The following EXPH5 variants were observed in gnomAD, a reference collection of about 807,000 sequenced individuals.
EXPH5 encodes exophilin 5.
A neutral mutation model predicts 41.1 loss-of-function variants in EXPH5; 42 were observed. That is an observed-to-expected ratio of 1.02 (90% CI 0.80 to 1.32). The LOEUF is 1.32. Ranked by LOEUF, EXPH5 falls within the 40% of genes most tolerant of loss-of-function variation. The probability of loss-of-function intolerance (pLI) is 0.00; values close to 1 mark genes in which losing one functional copy is unlikely to be tolerated. For synonymous variants in EXPH5, 798 were observed against 833.5 expected, an observed-to-expected ratio of 0.96 and a Z score of 0.73; for missense variants, 2,298 against 2,314.5, an observed-to-expected ratio of 0.99 and a Z score of 0.15.
At chr11:108,541,217 T>C (rs2093911043) in intron 2 of EXPH5, among the ~76,000 whole-genome samples, 1 of 152,184 alleles carries the variant, frequency 6.6e-6, no homozygotes, top group African/African-American at 2.4e-5. Flanking sequence ...CCCAGCTTAA[T>C]ACATTATAAA....
rs527358987 is a variant in EXPH5 at position 108,536,653 on chromosome 11, C to T, written c.443+2371G>A. ...ATTAGGAAATCAGAGCTTGAAGATA[C>T]CATATACTTTTATTGGCTGGGCCTT... On this transcript the variant is annotated intron_variant, in intron 3 of 5. Coordinates refer to ENST00000265843, the MANE Select transcript of EXPH5 (RefSeq NM_015065.3). 3.9e-5 allele frequency among the ~76,000 whole-genome samples: 6 copies of T among 152,200 alleles called. No homozygotes were observed. In the East Asian group the frequency reaches 7.7e-4, roughly 20 times the overall value.
At chr11:108,606,870 T>TA in the EXPH5 span, among the ~76,000 whole-genome samples, 1 of 111,548 alleles carries the variant, frequency 9.0e-6, no homozygotes, top group Non-Finnish European at 1.9e-5. Flanking sequence ...TCATACCACT[T>TA]ACAGATTTTT....
chr11:108,509,634 A>AT lies in EXPH5; in HGVS notation c.5872dup (p.Ile1958AsnfsTer3). ...TGAGTCCACTGGGTCATCCTCATAG[A>AT]TATTAAGCGGTTCACTTGGAGATAA... On this transcript the variant is annotated frameshift_variant, in exon 6 of 6. Coordinates refer to ENST00000265843, the MANE Select transcript of EXPH5 (RefSeq NM_015065.3). LOFTEE classifies it high-confidence loss of function. 6.2e-7 allele frequency: 1 copy of AT among 1,613,370 alleles called. No individual in the cohort carries two copies. Among genetic ancestry groups the AT allele is most frequent in the Non-Finnish European group, 8.5e-7 (1 of 1,179,716 alleles).
rs755929182 is a variant in EXPH5 at position 108,511,787 on chromosome 11, A to G, written c.3720T>C (p.Asp1240=). 6.2e-7 allele frequency: 1 copy of G among 1,609,940 alleles called. No homozygotes were observed. Among genetic ancestry groups the G allele is most frequent in the Non-Finnish European group, 8.5e-7 (1 of 1,179,082 alleles). Residue 1240 remains aspartate (D), a synonymous_variant, in exon 6 of 6, where the codon GAT becomes GAC. Transcript: ENST00000265843. ...CCTCCAGACATTTTACATTATCTTC[A>G]TCACCAGAAACAGAAAACGTACTAG... ...KTTSTFSVSG[D]EDNVKCLEVV...
At chr11:108,529,480 G>T (rs551525843) in intron 3 of EXPH5, among the ~76,000 whole-genome samples, 1 of 152,272 alleles carries the variant, frequency 6.6e-6, no homozygotes, top group African/African-American at 2.4e-5. Context: ...TTACAGGCAT[G>T]AGCCACTGCG....
At position 108,514,270 on chromosome 11, in the gene EXPH5, T is replaced by C. The variant is rs2093706446; in HGVS notation, c.1237A>G (p.Lys413Glu). Reference protein sequence around the residue: ...YVYPRGFQENKRYESYHSQNV... With the variant: ...YVYPRGFQENERYESYHSQNV... ...TGTGAATGGTACGATTCATATCTCT[T>C]ATTCTCCTGAAAACCCCTGGGATAC... Residue 413 changes from lysine to glutamate, a missense_variant, in exon 6 of 6, where the codon AAG becomes GAG. Physicochemically the swap from Lys to Glu is moderately conservative, Grantham distance 56 (BLOSUM62 1). Coordinates refer to ENST00000265843, the MANE Select transcript of EXPH5 (RefSeq NM_015065.3). 6.2e-7 allele frequency: 1 copy of C among 1,614,132 alleles called. No individual in the cohort carries two copies. The highest frequency in any genetic ancestry group is 2.2e-5 in the East Asian group (1 of 44,880).
chr11:108,550,155 T>A (rs1046977049), intron 1 of EXPH5, among the ~76,000 whole-genome samples: 11 of 152,162 alleles, frequency 7.2e-5, no homozygotes, highest in African/African-American at 2.7e-4. Flanking sequence ...CAATAGAATA[T>A]GGTGGAAGTG....
intron 1 of EXPH5, among the ~76,000 whole-genome samples, chr11:108,560,062 A>G (rs188584643): frequency 1.8e-3 from 274 of 152,312 alleles, no homozygotes; most frequent in Middle Eastern, 3.4e-3. Context: ...TGCAAGCCAG[A>G]CGAAAGAACG....
intron 1 of EXPH5, among the ~76,000 whole-genome samples, chr11:108,581,988 G>A (rs530305362): frequency 4.8e-4 from 73 of 152,246 alleles, no homozygotes; most frequent in African/African-American, 1.6e-3. Context: ...AAGAAATTGA[G>A]CTCATAGTTT....
intron 1 of EXPH5, among the ~76,000 whole-genome samples, chr11:108,565,645 G>A (rs2094031349): frequency 6.6e-6 from 1 of 152,164 alleles, no homozygotes; most frequent in Non-Finnish European, 1.5e-5. Flanking sequence ...CTTACGTGAG[G>A]GTGCTGGGCC....
At chr11:108,570,036 A>C (rs2094052955) in intron 1 of EXPH5, among the ~76,000 whole-genome samples, 1 of 152,140 alleles carries the variant, frequency 6.6e-6, no homozygotes, top group South Asian at 2.1e-4. Flanking sequence ...AAAACTCCAA[A>C]TGACTGTCTA....
intron 1 of EXPH5, among the ~76,000 whole-genome samples, chr11:108,573,281 C>A (rs1330506691): frequency 6.6e-6 from 1 of 152,144 alleles, no homozygotes; most frequent in Non-Finnish European, 1.5e-5. Context: ...AAGGAGTCTA[C>A]CACCCTACCA....
rs1361169694 is a variant in EXPH5, at chr11:108,505,720, A to G, written c.*3817T>C. 1 of 152,240 alleles carries G rather than the reference A, an allele frequency of 6.6e-6. No individual in the cohort carries two copies. The highest frequency in any genetic ancestry group is 2.4e-5 in the African/African-American group (1 of 41,470). The allele number at this position is 152,240 out of a possible 1,614,324, so 9.4% of individuals were successfully genotyped here. On this transcript the variant is annotated 3_prime_UTR_variant, in exon 6 of 6. Transcript: ENST00000265843. ...ATATTCTGAAGCATTATTATTATCA[A>G]TAAACTCTAAGCAAGAAGTTCTCTT...
chr11:108,586,783 A>G (rs1430703405), intron 1 of EXPH5, among the ~76,000 whole-genome samples: 1 of 151,676 alleles, frequency 6.6e-6, no homozygotes, highest in Non-Finnish European at 1.5e-5. Context: ...GTCATCTCCC[A>G]TTTCCTCTTT....
intron 1 of EXPH5, among the ~76,000 whole-genome samples, chr11:108,559,627 G>T (rs1771845004): frequency 6.6e-6 from 1 of 152,182 alleles, no homozygotes; most frequent in Admixed American, 6.5e-5. Flanking sequence ...AGATAGAATG[G>T]TACACATGAA....
chr11:108,582,779 C>A (rs950977111), intron 1 of EXPH5, among the ~76,000 whole-genome samples: 3 of 152,208 alleles, frequency 2.0e-5, no homozygotes, highest in Non-Finnish European at 4.4e-5. Context: ...AGGCCTCTCT[C>A]CTAGCTTCTG....
intron 1 of EXPH5, among the ~76,000 whole-genome samples, chr11:108,554,063 CTTTT>C (rs34487456): frequency 4.3e-5 from 6 of 139,120 alleles, no homozygotes; most frequent in Admixed American, 7.3e-5. Context: ...GGCCCCTGAC[CTTTT>C]TTTTTTTTTT....
At chr11:108,592,029 C>T (rs1377223414) in intron 1 of EXPH5, among the ~76,000 whole-genome samples, 2 of 152,106 alleles carry the variant, frequency 1.3e-5, no homozygotes, top group African/African-American at 4.8e-5. Context: ...ACTGAAATTC[C>T]GTGCAGTTCT....
At chr11:108,525,153 G>A (rs146967353) in intron 4 of EXPH5, among the ~76,000 whole-genome samples, 4 of 152,236 alleles carry the variant, frequency 2.6e-5, no homozygotes, top group African/African-American at 9.6e-5. Flanking sequence ...TGATTGTGAG[G>A]CCTCCCCAGC....
Sources: allele counts gnomAD v4.1 joint callset (sites outside exome capture counted in the v4.1 genomes callset), GRCh38; gene constraint gnomAD v4.1.1; transcripts MANE v1.5; gene names NCBI Gene and HGNC (gene_info 2026-07-23, HGNC 2026-07-21).